Variants in SESN3 observed in about 807,000 individuals in gnomAD.
The protein encoded by SESN3 is sestrin-3.
SESN3 carries 21 observed loss-of-function variants against 55.3 expected under a neutral mutation model. That is an observed-to-expected ratio of 0.38 (90% CI 0.27 to 0.55). The LOEUF is 0.55. SESN3 is among the 20% of genes least tolerant of loss of function. The probability of loss-of-function intolerance (pLI) is 0.76; values close to 1 mark genes in which losing one functional copy is unlikely to be tolerated. For synonymous variants in SESN3, 181 were observed against 203.1 expected (o/e 0.89, Z 0.93); for missense variants, 408 against 604.3 (o/e 0.68, Z 3.41).
intron 1 of SESN3, among the ~76,000 whole-genome samples, chr11:95,215,905 T>C (rs1341188441): frequency 6.6e-6 from 1 of 151,848 alleles, no homozygotes. Context: ...GAGACCATCC[T>C]GGCTAAAACG....
At chr11:95,175,716 T>C (rs1591044527) in intron 8 of SESN3, 74 bp from the exon 9 acceptor site, 1 of 1,227,204 alleles carries the variant, frequency 8.1e-7, no homozygotes. Flanking sequence ...ACTAAGGACA[T>C]TTATTGTCTA....
rs1861042583 is a variant in SESN3, at chr11:95,230,759, C to T, written c.78+24G>A. 4 of 1,593,938 alleles carry T rather than the reference C, an allele frequency of 2.5e-6. No homozygotes were observed. Among genetic ancestry groups the T allele is most frequent in the Non-Finnish European group, 3.4e-6 (4 of 1,168,368 alleles). ...GCCGGCAGGAAGCGACCCTCGCCGG[C>T]AGGACCCCGGGCCGAACCCGTACCT... On this transcript the variant is annotated intron_variant, in intron 1 of 9. Transcript: ENST00000536441. The surrounding 1 kb of genome is among the most constrained non-coding windows in gnomAD (Gnocchi z 4.6).
At chr11:95,221,028 C>A (rs1325730921) in intron 1 of SESN3, among the ~76,000 whole-genome samples, 1 of 152,132 alleles carries the variant, frequency 6.6e-6, no homozygotes, top group Non-Finnish European at 1.5e-5. Context: ...CACAGCCGGG[C>A]TGGGTGGCTC....
intron 1 of SESN3, among the ~76,000 whole-genome samples, chr11:95,227,849 T>C (rs1464350489): frequency 6.6e-6 from 1 of 152,204 alleles, no homozygotes; most frequent in African/African-American, 2.4e-5. Flanking sequence ...TCACTAGAAT[T>C]TCTTCAAGTA....
upstream of SESN3, chr11:95,232,039 T>G (rs1861080881): frequency 6.6e-6 from 1 of 152,254 alleles, no homozygotes; most frequent in Non-Finnish European, 1.5e-5. Context: ...GGGCTTGTTT[T>G]CTCACCCAAA....
chr11:95,217,644 C>G (rs1860784338), intron 1 of SESN3, among the ~76,000 whole-genome samples: 1 of 83,208 alleles, frequency 1.2e-5, no homozygotes, highest in African/African-American at 4.5e-5. Flanking sequence ...AAGAGCCAGA[C>G]TCCGTTTAAA....
upstream of SESN3, chr11:95,231,431 T>G (rs1352192478): frequency 1.9e-5 from 6 of 314,982 alleles, no homozygotes; most frequent in Non-Finnish European, 2.9e-5. Context: ...AGGTGGCGGT[T>G]AGCTAAGTAG....
At position 95,230,482 on chromosome 11, in the gene SESN3, C is replaced by T; in HGVS notation, c.78+301G>A. 1 of 345,070 alleles carries T rather than the reference C, an allele frequency of 2.9e-6. No homozygotes were observed. Among genetic ancestry groups the T allele is most frequent in the Non-Finnish European group, 5.3e-6 (1 of 188,416 alleles). The allele number at this position is 345,070 out of a possible 1,614,324, so 21.4% of individuals were successfully genotyped here. ...TCCCGCCCTCCGCCCAAGGAGCCGA[C>T]CCGGGGTAGCAAGGTAGGGAAATGA... On this transcript the variant is annotated intron_variant, in intron 1 of 9. Transcript: ENST00000536441. The surrounding 1 kb of genome is among the most constrained non-coding windows in gnomAD (Gnocchi z 4.6).
intron 1 of SESN3, among the ~76,000 whole-genome samples, chr11:95,193,731 G>C (rs1018278112): frequency 3.3e-5 from 5 of 152,116 alleles, no homozygotes; most frequent in Non-Finnish European, 1.5e-5. Context: ...ATAGTGCTAA[G>C]TGCAGCACAG....
Position 95,230,481 on chromosome 11 carries a change from A to C in SESN3, c.78+302T>G. On this transcript the variant is annotated intron_variant, in intron 1 of 9. Coordinates refer to ENST00000536441, the MANE Select transcript of SESN3 (RefSeq NM_144665.4). This position sits in a 1 kb window ranked among gnomAD's most constrained non-coding sequence, Gnocchi z 4.6. ...CTCCCGCCCTCCGCCCAAGGAGCCGACCCGGGGTAGCAAGGTAGGGAAATG... is the reference window on the plus strand; with the variant it reads ...CTCCCGCCCTCCGCCCAAGGAGCCGCCCCGGGGTAGCAAGGTAGGGAAATG... 9 of 334,608 alleles carry C rather than the reference A, an allele frequency of 2.7e-5. No individual in the cohort carries two copies. The highest frequency in any genetic ancestry group is 5.1e-5 in the Admixed American group (1 of 19,592). The allele number at this position is 334,608 out of a possible 1,614,324, so 20.7% of individuals were successfully genotyped here.
intron 1 of SESN3, among the ~76,000 whole-genome samples, chr11:95,196,950 A>T (rs1430648806): frequency 6.6e-6 from 1 of 152,356 alleles, no homozygotes; most frequent in Non-Finnish European, 1.5e-5. Context: ...GTAATTGCAG[A>T]AATGCTCTGA....
intron 1 of SESN3, among the ~76,000 whole-genome samples, chr11:95,223,825 T>C (rs1237969464): frequency 2.0e-5 from 3 of 152,214 alleles, no homozygotes; most frequent in African/African-American, 7.2e-5. Flanking sequence ...TGGAACCCCT[T>C]CGCACTCTTA....
intron 9 of SESN3, among the ~76,000 whole-genome samples, chr11:95,173,777 G>GA (rs1191544778): frequency 2.0e-5 from 3 of 151,614 alleles, no homozygotes; most frequent in Non-Finnish European, 4.4e-5. Context: ...ATACTAAAGT[G>GA]AAAATCTGAT....
At chr11:95,228,403 GAACA>G (rs1323691164) in intron 1 of SESN3, among the ~76,000 whole-genome samples, 1 of 152,128 alleles carries the variant, frequency 6.6e-6, no homozygotes, top group African/African-American at 2.4e-5. Flanking sequence ...GAATTAGACT[GAACA>G]AACATTCAAA....
At chr11:95,192,741 A>C (rs1225018727) in intron 2 of SESN3, among the ~76,000 whole-genome samples, 2 of 152,130 alleles carry the variant, frequency 1.3e-5, no homozygotes, top group Non-Finnish European at 2.9e-5. Flanking sequence ...CAATGGCGTA[A>C]CTCATTATGG....
intron 1 of SESN3, among the ~76,000 whole-genome samples, chr11:95,194,271 C>A (rs544961201): frequency 6.6e-6 from 1 of 152,124 alleles, no homozygotes; most frequent in Non-Finnish European, 1.5e-5. Flanking sequence ...CTCCCTTTCT[C>A]CCCCCATTAC....
Position 95,230,732 on chromosome 11 carries a change from C to G in SESN3, c.78+51G>C, listed in dbSNP as rs1565479159. 5.5e-6 allele frequency: 8 copies of G among 1,456,722 alleles called. No homozygotes were observed. The highest frequency in any genetic ancestry group is 7.6e-6 in the Non-Finnish European group (8 of 1,052,842). The allele number at this position is 1,456,722 out of a possible 1,614,324, so 90.2% of individuals were successfully genotyped here. On this transcript the variant is annotated intron_variant, in intron 1 of 9. Transcript: ENST00000536441. The surrounding 1 kb of genome is among the most constrained non-coding windows in gnomAD (Gnocchi z 4.6). The stretch of plus-strand genomic sequence containing the variant: ...GCCCGGGGACGAGCCGCCCGAGCCC[C>G]GGCCGGCAGGAAGCGACCCTCGCCG...
chr11:95,180,391 G>T (rs1298696014), intron 6 of SESN3, among the ~76,000 whole-genome samples: 2 of 152,124 alleles, frequency 1.3e-5, no homozygotes, highest in Admixed American at 6.6e-5. Context: ...GTTTTCAGCT[G>T]TCTTTAGGTC....
At chr11:95,202,658 T>C (rs1226713642) in intron 1 of SESN3, among the ~76,000 whole-genome samples, 1 of 152,062 alleles carries the variant, frequency 6.6e-6, no homozygotes, top group African/African-American at 2.4e-5. Flanking sequence ...AATATGCTAG[T>C]AAAATTTTGA....
Sources: allele counts gnomAD v4.1 joint callset (sites outside exome capture counted in the v4.1 genomes callset), GRCh38; gene constraint gnomAD v4.1.1; non-coding constraint Gnocchi (gnomAD v3.1); transcripts MANE v1.5; gene names NCBI Gene and HGNC (gene_info 2026-07-23, HGNC 2026-07-21).